ARHGEF6: variants seen among roughly 807,000 people sequenced by gnomAD.
The protein encoded by ARHGEF6 is Rac/Cdc42 guanine nucleotide exchange factor 6, also known as rho guanine nucleotide exchange factor 6.
Under a neutral mutation model 70.3 loss-of-function variants are expected in ARHGEF6, and 9 were observed. The ratio of observed to expected loss-of-function variants is 0.13; its 90% CI spans 0.08 to 0.22. The LOEUF is 0.22. Ranked by LOEUF, ARHGEF6 falls within the 10% of genes least tolerant of loss-of-function variation. The pLI is 1.00. For synonymous variants in ARHGEF6, 201 were observed against 207.8 expected, an observed-to-expected ratio of 0.97 and a Z score of 0.28; for missense variants, 470 against 563.0, an observed-to-expected ratio of 0.83 and a Z score of 1.67.
At chrX:136,732,492 G>A (rs994379922) in intron 5 of ARHGEF6, among the ~76,000 whole-genome samples, 3 of 112,095 alleles carry the variant, frequency 2.7e-5, no homozygotes, top group African/African-American at 9.7e-5. Flanking sequence ...AAACAGATAC[G>A]CAAAACCAAT....
intron 20 of ARHGEF6, among the ~76,000 whole-genome samples, chrX:136,670,014 C>A (rs2076207206): frequency 8.9e-6 from 1 of 111,888 alleles, no homozygotes; most frequent in African/African-American, 3.3e-5. Context: ...TAGCAAACTT[C>A]AAGTATACTC....
intron 2 of ARHGEF6, among the ~76,000 whole-genome samples, chrX:136,761,202 T>G (rs1035898600): frequency 8.9e-6 from 1 of 112,044 alleles, no homozygotes; most frequent in Non-Finnish European, 1.9e-5. Flanking sequence ...ATACACAAAT[T>G]GTTTTCAGCA....
intron 11 of ARHGEF6, among the ~76,000 whole-genome samples, chrX:136,687,104 T>G (rs2148589700): frequency 9.0e-6 from 1 of 111,518 alleles, no homozygotes; most frequent in East Asian, 2.8e-4. Context: ...GCTGTGGGTT[T>G]CACTGGGCTG....
intron 20 of ARHGEF6, 127 bp from the exon 21 acceptor site, chrX:136,669,663 G>A (rs1425286585): frequency 1.3e-5 from 7 of 542,981 alleles, no homozygotes; most frequent in Non-Finnish European, 2.2e-5. Flanking sequence ...AGCTGATTGG[G>A]AATGGTACTG....
chrX:136,727,391 T>C (rs796190857), intron 6 of ARHGEF6, among the ~76,000 whole-genome samples: 681 of 67,107 alleles, frequency 0.01, 14 homozygotes, highest in Admixed American at 0.031. Flanking sequence ...CTTTCTTTCT[T>C]TCTTTCTCTC....
chrX:136,771,550 C>T (rs2077363532), intron 2 of ARHGEF6, among the ~76,000 whole-genome samples: 1 of 111,952 alleles, frequency 8.9e-6, no homozygotes, highest in African/African-American at 3.2e-5. Flanking sequence ...AATTTGGACC[C>T]GTACCTCCTA....
chrX:136,729,042 C>CAG (rs2076902444), intron 6 of ARHGEF6, among the ~76,000 whole-genome samples: 1 of 94,282 alleles, frequency 1.1e-5, no homozygotes, highest in Non-Finnish European at 2.1e-5. Flanking sequence ...CTCTCTCTCT[C>CAG]TCTCTCTCTC....
At chrX:136,690,478 A>G in intron 10 of ARHGEF6, 132 bp downstream of exon 10, 2 of 706,139 alleles carry the variant, frequency 2.8e-6, no homozygotes, top group Non-Finnish European at 4.3e-6. Flanking sequence ...AGAGGGAAGA[A>G]CAGATAAAGT....
intron 18 of ARHGEF6, among the ~76,000 whole-genome samples, chrX:136,675,356 G>A (rs756217135): frequency 1.8e-5 from 2 of 108,996 alleles, no homozygotes; most frequent in East Asian, 5.8e-4. Flanking sequence ...GGGGTGGGGG[G>A]GGCGGTGTTT....
intron 11 of ARHGEF6, among the ~76,000 whole-genome samples, chrX:136,687,681 A>G (rs889318516): frequency 8.9e-6 from 1 of 111,941 alleles, no homozygotes; most frequent in African/African-American, 3.2e-5. Flanking sequence ...CTACACACCA[A>G]TGCTTAATGT....
intron 21 of ARHGEF6, among the ~76,000 whole-genome samples, chrX:136,669,193 A>T (rs926434484): frequency 3.6e-5 from 4 of 112,334 alleles, no homozygotes; most frequent in Non-Finnish European, 5.6e-5. Context: ...ACACTCATGA[A>T]TGACTAGTCT....
At chrX:136,704,828 C>T (rs1396324308) in intron 9 of ARHGEF6, among the ~76,000 whole-genome samples, 1 of 111,591 alleles carries the variant, frequency 9.0e-6, no homozygotes, top group Admixed American at 9.5e-5. Flanking sequence ...ATATCAGATG[C>T]TCAATATCAT....
chrX:136,773,678 T>G (rs7064570), intron 2 of ARHGEF6, among the ~76,000 whole-genome samples: 2,410 of 112,216 alleles, frequency 0.021, 54 homozygotes, highest in African/African-American at 0.074. Flanking sequence ...ATGTATTATC[T>G]CATTTGATCC....
chrX:136,758,113 C>T (rs1330131240), intron 2 of ARHGEF6, among the ~76,000 whole-genome samples: 6 of 78,867 alleles, frequency 7.6e-5, no homozygotes, highest in African/African-American at 3.1e-4. Flanking sequence ...TGCAGTGGCG[C>T]CATCTCGGCT....
chrX:136,727,332 TC>T (rs2076866616), intron 6 of ARHGEF6, among the ~76,000 whole-genome samples: 1 of 31,505 alleles, frequency 3.2e-5, no homozygotes, highest in African/African-American at 1.1e-4. Flanking sequence ...TCTTTTTCTT[TC>T]TTTCTTTCTT....
At chrX:136,759,453 G>A (rs1292515984) in intron 2 of ARHGEF6, among the ~76,000 whole-genome samples, 2 of 110,675 alleles carry the variant, frequency 1.8e-5, no homozygotes, top group Non-Finnish European at 3.8e-5. Flanking sequence ...CAGCCTGAGC[G>A]ACATAGTGAA....
At chrX:136,727,305 G>GTCTTTCTTTCTTTCTTTCTTTCTTTT (rs1235171712) in intron 6 of ARHGEF6, among the ~76,000 whole-genome samples, 1 of 67,443 alleles carries the variant, frequency 1.5e-5, no homozygotes, top group Admixed American at 1.8e-4. Flanking sequence ...GATGTCTGTA[G>GTCTTTCTTTCTTTCTTTCTTTCTTTT]TCTTTCTTTC....
chrX:136,692,278 G>A (rs922660022), intron 9 of ARHGEF6, among the ~76,000 whole-genome samples: 12 of 111,736 alleles, frequency 1.1e-4, no homozygotes, highest in African/African-American at 1.6e-4. Context: ...AAATTATAGA[G>A]ACAGGGTTTT....
intron 5 of ARHGEF6, among the ~76,000 whole-genome samples, chrX:136,738,795 T>G (rs1603350073): frequency 1.8e-5 from 2 of 112,497 alleles, no homozygotes; most frequent in Non-Finnish European, 1.9e-5. Context: ...GACTTGGTAT[T>G]GTTCTCATCT....
Sources: gnomAD v4.1 joint callset for allele counts (sites outside exome capture counted in the v4.1 genomes callset) on GRCh38, gnomAD v4.1.1 for gene constraint, MANE v1.5 for transcripts, NCBI Gene and HGNC (gene_info 2026-07-23, HGNC 2026-07-21) for gene names.